Variants in THYN1 observed in about 807,000 individuals in gnomAD.
THYN1 encodes the protein thymocyte protein thy28.
Under a neutral mutation model 30.6 loss-of-function variants are expected in THYN1, and 32 were observed. The ratio of observed to expected loss-of-function variants is 1.05; its 90% CI spans 0.79 to 1.40. The LOEUF (loss-of-function observed/expected upper bound fraction) is 1.40. Among genes scored for constraint, THYN1 ranks in the 40% most tolerant of loss-of-function variants. THYN1 has a pLI of 0.00. For missense variants in THYN1, 259 were observed against 272.6 expected, an observed-to-expected ratio of 0.95 and a Z score of 0.35; for synonymous variants, 107 against 90.8, an observed-to-expected ratio of 1.18 and a Z score of -1.01.
At position 134,253,274 on chromosome 11, in the gene THYN1, A is replaced by C; in HGVS notation, c.-392T>G. The C allele has an allele frequency of 7.4e-7, 1 of 1,347,882 alleles. No individual in the cohort carries two copies. The highest frequency in any genetic ancestry group is 9.5e-7 in the Non-Finnish European group (1 of 1,050,420). The allele number at this position is 1,347,882 out of a possible 1,614,324, so 83.5% of individuals were successfully genotyped here. The stretch of plus-strand genomic sequence containing the variant: ...ATCAACTGAATGGATAATCTAGATG[A>C]TGAAGTAATTTGCTGGCTACAGACC... On this transcript the variant is annotated 5_prime_UTR_variant, in exon 1 of 7. Transcript: ENST00000341541.
intron 6 of THYN1, 146 bp from the exon 7 acceptor site, chr11:134,248,630 T>C (rs1591490204): frequency 8.3e-6 from 11 of 1,330,916 alleles, no homozygotes; most frequent in African/African-American, 1.5e-5. Context: ...CCAAGCACTA[T>C]AGAGTACTGG....
rs955597739 is a variant in THYN1, at chr11:134,253,343, C to T, written c.-461G>A. On this transcript the variant is annotated 5_prime_UTR_variant, in exon 1 of 7. Transcript: ENST00000341541. The stretch of plus-strand genomic sequence containing the variant: ...ACTGCGGTCCGCCTCCGCTGCGCCG[C>T]AGGCTGTGCAGCGCGACCCCCGCGG... The T allele has an allele frequency of 8.5e-6, 12 of 1,409,550 alleles. No individual in the cohort carries two copies. The South Asian group carries it at 1.1e-4, about 12-fold the overall frequency. 87.3% of individuals were successfully genotyped at this position (1,409,550 alleles called of 1,614,324 possible).
chr11:134,249,557 A>G (rs1938950497), intron 4 of THYN1, among the ~76,000 whole-genome samples: 1 of 152,184 alleles, frequency 6.6e-6, no homozygotes, highest in Admixed American at 6.5e-5. Flanking sequence ...TATCCTGATA[A>G]GCTTGGAGGA....
chr11:134,252,674 G>A (rs1460036379), intron 1 of THYN1, among the ~76,000 whole-genome samples, 166 bp downstream of exon 1: 2 of 152,238 alleles, frequency 1.3e-5, no homozygotes, highest in Non-Finnish European at 2.9e-5. Context: ...ACTGTAGGTA[G>A]GAGCTTGGTG....
In THYN1 at chr11:134,252,948, T is replaced by C. The variant is rs2136066237; in HGVS notation, c.-66A>G. The C allele has an allele frequency of 1.3e-6, 2 of 1,514,346 alleles. No homozygotes were observed. Among genetic ancestry groups the C allele is most frequent in the South Asian group, 2.6e-5 (2 of 78,352 alleles). The allele number at this position is 1,514,346 out of a possible 1,614,324, so 93.8% of individuals were successfully genotyped here. A position where few individuals can be genotyped will look rare whatever the true frequency, so the allele number is the denominator to read the frequency against. On this transcript the variant is annotated 5_prime_UTR_variant, in exon 1 of 7. Coordinates refer to ENST00000341541, the MANE Select transcript of THYN1 (RefSeq NM_014174.3). Reference sequence around the variant, plus strand: ...TCAACGGAGATACAAGAAAGAATGCTAATGTCCTCCAAAACCCGCGCAGAG... The same window carrying C: ...TCAACGGAGATACAAGAAAGAATGCCAATGTCCTCCAAAACCCGCGCAGAG...
chr11:134,250,458 A>T lies in THYN1; in HGVS notation c.223-115T>A. On this transcript the variant is annotated intron_variant, in intron 2 of 6. Coordinates refer to ENST00000341541, the MANE Select transcript of THYN1 (RefSeq NM_014174.3). ...GAGAGGGGCCACTGGCTATAGAGGA[A>T]GTATGTAGTTCACCGGGAAGTGGCT... 8.0e-6 allele frequency: 9 copies of T among 1,125,504 alleles called. No homozygotes were observed. In the South Asian group the frequency reaches 1.2e-4, roughly 15 times the overall value. 69.7% of individuals were successfully genotyped at this position (1,125,504 alleles called of 1,614,324 possible).
chr11:134,250,208 C>CG, intron 3 of THYN1, 67 bp downstream of exon 3: 3 of 1,562,142 alleles, frequency 1.9e-6, no homozygotes, highest in Non-Finnish European at 2.6e-6. Context: ...CTACTGAGTA[C>CG]GTCATGAGGA....
At position 134,253,144 on chromosome 11, in the gene THYN1, C is replaced by A. The variant is rs1223831186; in HGVS notation, c.-262G>T. On this transcript the variant is annotated 5_prime_UTR_variant, in exon 1 of 7. Coordinates refer to ENST00000341541, the MANE Select transcript of THYN1 (RefSeq NM_014174.3). The stretch of plus-strand genomic sequence containing the variant: ...GTCCTTGGTCCTTCTCATCCAGGAA[C>A]CCCTATCTCAGTATGTAGTTCACTG... 8.9e-6 allele frequency: 12 copies of A among 1,349,808 alleles called. No homozygotes were observed. The highest frequency in any genetic ancestry group is 2.7e-4 in the Middle Eastern group (1 of 3,646). The allele number at this position is 1,349,808 out of a possible 1,614,324, so 83.6% of individuals were successfully genotyped here.
intron 2 of THYN1, among the ~76,000 whole-genome samples, chr11:134,250,692 G>A (rs1939008208): frequency 1.3e-5 from 2 of 152,172 alleles, no homozygotes; most frequent in South Asian, 2.1e-4. Context: ...TGTTGGCAGG[G>A]AGACACCTAG....
Position 134,253,337 on chromosome 11 carries a change from G to A in THYN1, c.-455C>T, listed in dbSNP as rs1016846812. The A allele has an allele frequency of 3.5e-5, 49 of 1,404,992 alleles. No individual in the cohort carries two copies. The highest frequency in any genetic ancestry group is 5.3e-5 in the East Asian group (2 of 37,478). The allele number at this position is 1,404,992 out of a possible 1,614,324, so 87.0% of individuals were successfully genotyped here. ...GACTCGACTGCGGTCCGCCTCCGCT[G>A]CGCCGCAGGCTGTGCAGCGCGACCC... On this transcript the variant is annotated 5_prime_UTR_variant, in exon 1 of 7. Coordinates refer to ENST00000341541, the MANE Select transcript of THYN1 (RefSeq NM_014174.3).
intron 1 of THYN1, among the ~76,000 whole-genome samples, chr11:134,252,613 CAA>C (rs1194530072): frequency 1.3e-5 from 2 of 152,136 alleles, no homozygotes; most frequent in African/African-American, 2.4e-5. Flanking sequence ...CCTGGTATCT[CAA>C]AGAGTCTTTG....
At chr11:134,251,731 A>G (rs1192658434) in intron 1 of THYN1, 1 of 155,764 alleles carries the variant, frequency 6.4e-6, no homozygotes, top group African/African-American at 2.4e-5. Context: ...TAAAAGCATT[A>G]TTATTCTCAT....
chr11:134,251,086 T>TA (rs1194080002), intron 2 of THYN1, 44 bp downstream of exon 2: 2 of 1,545,240 alleles, frequency 1.3e-6, no homozygotes, highest in Non-Finnish European at 1.7e-6. Context: ...ACTTCTCATT[T>TA]AAAAAACACC....
At position 134,249,076 on chromosome 11, in the gene THYN1, G is replaced by A; in HGVS notation, c.480+91C>T. 1.9e-6 allele frequency: 3 copies of A among 1,546,840 alleles called. No homozygotes were observed. In the South Asian group the frequency reaches 3.5e-5, roughly 18 times the overall value. ...GTATCACCTCATCTGAGTAAGTGCT[G>A]GGCCGTGTACCTTGACCTACAGTCA... On this transcript the variant is annotated intron_variant, in intron 5 of 6. Transcript: ENST00000341541.
chr11:134,250,680 A>G (rs181261267), intron 2 of THYN1, among the ~76,000 whole-genome samples: 25 of 152,316 alleles, frequency 1.6e-4, no homozygotes, highest in African/African-American at 3.8e-4. Context: ...ATATACATCA[A>G]CTGTTGGCAG....
chr11:134,249,095 A>G lies in THYN1; in HGVS notation c.480+72T>C, dbSNP rs755406528. 4 of 1,555,848 alleles carry G rather than the reference A, an allele frequency of 2.6e-6. No homozygotes were observed. The African/African-American group carries it at 5.4e-5, about 21-fold the overall frequency. Reference sequence around the variant, plus strand: ...AGTGCTGGGCCGTGTACCTTGACCTACAGTCACCCCAACCGTCTTCTTCCC... The same window carrying G: ...AGTGCTGGGCCGTGTACCTTGACCTGCAGTCACCCCAACCGTCTTCTTCCC... On this transcript the variant is annotated intron_variant, in intron 5 of 6. Transcript: ENST00000341541.
chr11:134,253,310 C>T lies in THYN1; in HGVS notation c.-428G>A. The T allele has an allele frequency of 7.2e-7, 1 of 1,393,934 alleles. No homozygotes were observed. The allele number at this position is 1,393,934 out of a possible 1,614,324, so 86.3% of individuals were successfully genotyped here. A position where few individuals can be genotyped will look rare whatever the true frequency, so the allele number is the denominator to read the frequency against. ...TGCTGGCTACAGACCCAACACTCTG[C>T]AGACTCGACTGCGGTCCGCCTCCGC... is the stretch of plus-strand genomic sequence containing the variant. On this transcript the variant is annotated 5_prime_UTR_variant, in exon 1 of 7. Transcript: ENST00000341541.
intron 1 of THYN1, 97 bp from the exon 2 acceptor site, chr11:134,251,405 T>G (rs1939042967): frequency 4.5e-6 from 6 of 1,325,526 alleles, no homozygotes; most frequent in South Asian, 4.3e-5. Context: ...TGGATTCAAA[T>G]CATGGATCCA....
chr11:134,252,822 A>G lies in THYN1; in HGVS notation c.43+18T>C, dbSNP rs1939172023. 3 of 1,613,758 alleles carry G rather than the reference A, an allele frequency of 1.9e-6. No individual in the cohort carries two copies. The highest frequency in any genetic ancestry group is 2.7e-5 in the African/African-American group (2 of 75,034). On this transcript the variant is annotated intron_variant, in intron 1 of 6. Transcript: ENST00000341541. ...GTTTTTTCTTGGGCTGCCTTTGTGC[A>G]GCCTAGGGGCAGCTCACCTGAACCA...
Sources: allele counts gnomAD v4.1 joint callset (sites outside exome capture counted in the v4.1 genomes callset), GRCh38; gene constraint gnomAD v4.1.1; transcripts MANE v1.5; gene names NCBI Gene and HGNC (gene_info 2026-07-23, HGNC 2026-07-21).